Variants in BRCA1 observed in about 807,000 individuals in gnomAD.
BRCA1 encodes the protein breast cancer type 1 susceptibility protein.
Under a neutral mutation model 173.7 loss-of-function variants are expected in BRCA1, and 140 were observed. The ratio of observed to expected loss-of-function variants is 0.81; its 90% CI spans 0.70 to 0.93. The LOEUF is 0.93. Among genes scored for constraint, BRCA1 ranks in the 40% least tolerant of loss-of-function variants. The pLI is 0.00. For synonymous variants in BRCA1, 662 were observed against 756.0 expected (o/e 0.88, Z 2.04); for missense variants, 1,983 against 2,172.5 (o/e 0.91, Z 1.73).
chr17:43,067,742 A>G (rs2153723157), intron 15 of BRCA1, 47 bp from the exon 16 acceptor site: 1 of 1,445,480 alleles, frequency 6.9e-7, no homozygotes, highest in East Asian at 2.3e-5. Context: ...CCTCTAGCAC[A>G]CAGCTCAGAA....
At chr17:43,131,474 T>TGGGAACA (rs2154581322) in intron 1 of BRCA1, among the ~76,000 whole-genome samples, 1 of 151,932 alleles carries the variant, frequency 6.6e-6, no homozygotes, top group East Asian at 1.9e-4. Context: ...CCCAGAAGGG[T>TGGGAACA]GGGAACAGTA....
chr17:43,080,424 C>T (rs2052950901), intron 12 of BRCA1, among the ~76,000 whole-genome samples: 1 of 152,096 alleles, frequency 6.6e-6, no homozygotes, highest in Non-Finnish European at 1.5e-5. Context: ...CTCGAGCTCC[C>T]GACCTCAGGT....
intron 3 of BRCA1, among the ~76,000 whole-genome samples, chr17:43,112,278 TG>T (rs1412014152): frequency 6.6e-6 from 1 of 152,050 alleles, no homozygotes; most frequent in Non-Finnish European, 1.5e-5. Context: ...TTAGTAGAGA[TG>T]GTGTTACCAT....
upstream of BRCA1, among the ~76,000 whole-genome samples, chr17:43,127,099 C>T (rs1303757062): frequency 6.6e-6 from 1 of 152,228 alleles, no homozygotes; most frequent in Non-Finnish European, 1.5e-5. Flanking sequence ...CCCGAGCCCC[C>T]TCCCAACCCC....
Position 43,168,919 on chromosome 17 carries a change from C to G in BRCA1, c.-20+1207G>C, listed in dbSNP as rs150820684. ...AAAATCAACAACGACCAAACCAACA[C>G]CAATCAAGGCCTCCCTGCCCCTAGC... On this transcript the variant is annotated intron_variant, in intron 1 of 7. Coordinates refer to the BRCA1 transcript ENST00000634433. Among the ~76,000 whole-genome samples, 10 of 152,238 alleles carry G rather than the reference C, an allele frequency of 6.6e-5. No individual in the cohort carries two copies. In the East Asian group the frequency reaches 1.9e-3, roughly 29 times the overall value.
At chr17:43,138,471 T>G in intron 1 of BRCA1, 1 of 607,716 alleles carries the variant, frequency 1.6e-6, no homozygotes, top group East Asian at 2.8e-5. Context: ...CTCCACCATG[T>G]GACTCCACCG....
intron 2 of BRCA1, among the ~76,000 whole-genome samples, chr17:43,120,959 G>A (rs779137392): frequency 1.3e-5 from 2 of 151,820 alleles, no homozygotes; most frequent in Non-Finnish European, 2.9e-5. Flanking sequence ...AGCTACTCAG[G>A]AGGCTGAGGC....
chr17:43,073,144 C>A (rs1465859200), intron 14 of BRCA1, among the ~76,000 whole-genome samples: 2 of 151,876 alleles, frequency 1.3e-5, no homozygotes, highest in Non-Finnish European at 2.9e-5. Context: ...CCAGCCTCGG[C>A]AACATAACAA....
intron 1 of BRCA1, chr17:43,140,042 A>G (rs755620692): frequency 1.6e-4 from 64 of 411,134 alleles, no homozygotes; most frequent in Admixed American, 4.0e-4. Context: ...CACCAAAAAT[A>G]CCTAACTATG....
At chr17:43,097,369 A>T (rs8176143) in intron 7 of BRCA1, 80 bp from the exon 8 acceptor site, 1 of 1,152,986 alleles carries the variant, frequency 8.7e-7, no homozygotes. Flanking sequence ...TTGTTGAAAA[A>T]CAGATATTCA....
At chr17:43,121,704 A>G (rs1039833925) in intron 2 of BRCA1, among the ~76,000 whole-genome samples, 11 of 151,504 alleles carry the variant, frequency 7.3e-5, no homozygotes, top group African/African-American at 2.7e-4. Context: ...AAAAAAAAAA[A>G]AAAAGAAATT....
intron 1 of BRCA1, among the ~76,000 whole-genome samples, chr17:43,155,644 T>A (rs1187197638): frequency 2.6e-5 from 4 of 152,272 alleles, no homozygotes; most frequent in Non-Finnish European, 4.4e-5. Flanking sequence ...GTGATTCTTG[T>A]GCCTCAGCCT....
At position 43,092,207 on chromosome 17, in the gene BRCA1, T is replaced by C; in HGVS notation, c.3324A>G (p.Ile1108Met). The change falls in exon 10 of 23, where the codon ATA becomes ATG. Residue 1108 changes from isoleucine to methionine, a missense_variant. By Grantham distance (10) the Ile-to-Met change is conservative. Transcript: ENST00000357654. ...LPGSNCKHPE[I>M]KKQEYEEVVQ... The stretch of plus-strand genomic sequence containing the variant: ...CTACTTCTTCATATTCTTGCTTTTT[T>C]ATTTCAGGATGCTTACAATTACTTC... 6.2e-7 allele frequency: 1 copy of C among 1,613,410 alleles called. No homozygotes were observed. The highest frequency in any genetic ancestry group is 8.5e-7 in the Non-Finnish European group (1 of 1,179,988).
intron 18 of BRCA1, among the ~76,000 whole-genome samples, chr17:43,057,640 C>G (rs2051561837): frequency 6.6e-6 from 1 of 151,792 alleles, no homozygotes; most frequent in Admixed American, 6.6e-5. Flanking sequence ...TCGAGACCAT[C>G]CTGGCTAACA....
intron 3 of BRCA1, among the ~76,000 whole-genome samples, 168 bp downstream of exon 3, chr17:43,115,558 C>A (rs1284511763): frequency 6.6e-6 from 1 of 151,392 alleles, no homozygotes; most frequent in Non-Finnish European, 1.5e-5. Context: ...ATGATTACAA[C>A]CAACTTTTGA....
chr17:43,168,808 GA>G (rs2056288397), intron 1 of BRCA1, among the ~76,000 whole-genome samples: 1 of 152,044 alleles, frequency 6.6e-6, no homozygotes, highest in Non-Finnish European at 1.5e-5. Context: ...CTCCAAGAAA[GA>G]GAAAGCTACA....
At chr17:43,063,849 A>AG in intron 17 of BRCA1, 25 bp downstream of exon 17, 1 of 1,583,648 alleles carries the variant, frequency 6.3e-7, no homozygotes, top group Non-Finnish European at 8.7e-7. Flanking sequence ...TAAAGGGAGG[A>AG]GGGGAGAAAT....
At chr17:43,164,213 T>C (rs1402806348) in intron 1 of BRCA1, 4 of 152,244 alleles carry the variant, frequency 2.6e-5, no homozygotes, top group African/African-American at 4.8e-5. Flanking sequence ...TTTAGGAAAT[T>C]ACAAAAACTG....
intron 11 of BRCA1, among the ~76,000 whole-genome samples, chr17:43,085,548 T>G (rs572870197): frequency 1.3e-5 from 2 of 152,342 alleles, no homozygotes; most frequent in East Asian, 3.9e-4. Context: ...GTTGTTTTCC[T>G]ATAACACATG....
Sources: allele counts gnomAD v4.1 joint callset (sites outside exome capture counted in the v4.1 genomes callset), GRCh38; gene constraint gnomAD v4.1.1; transcripts MANE v1.5; gene names NCBI Gene and HGNC (gene_info 2026-07-23, HGNC 2026-07-21).